The following ARHGAP6 variants were observed in gnomAD, a reference collection of about 807,000 sequenced individuals.
ARHGAP6 encodes Rho GTPase activating protein 6, also known as rho GTPase-activating protein 6.
ARHGAP6 carries 16 observed loss-of-function variants against 55.7 expected under a neutral mutation model. The ratio of observed to expected loss-of-function variants is 0.29; its 90% CI spans 0.19 to 0.44. The LOEUF (loss-of-function observed/expected upper bound fraction) is 0.44. Among genes scored for constraint, ARHGAP6 ranks in the 20% least tolerant of loss-of-function variants. ARHGAP6 has a pLI of 1.00. For synonymous variants in ARHGAP6, 382 were observed against 360.9 expected (o/e 1.06, Z -0.66); for missense variants, 698 against 808.9 (o/e 0.86, Z 1.66).
intron 1 of ARHGAP6, among the ~76,000 whole-genome samples, chrX:11,281,441 AT>A (rs2047854707): frequency 9.1e-6 from 1 of 109,484 alleles, no homozygotes; most frequent in South Asian, 3.8e-4. Flanking sequence ...TATATAATTA[AT>A]TTTATTATAT....
intron 1 of ARHGAP6, among the ~76,000 whole-genome samples, chrX:11,314,497 G>A (rs1444215223): frequency 8.9e-6 from 1 of 112,411 alleles, no homozygotes; most frequent in African/African-American, 3.2e-5. Context: ...TAGATATCCA[G>A]TGTTCACTCT....
intron 1 of ARHGAP6, among the ~76,000 whole-genome samples, chrX:11,507,665 T>C (rs1253085988): frequency 8.9e-6 from 1 of 111,850 alleles, no homozygotes; most frequent in Non-Finnish European, 1.9e-5. Context: ...GCAAGCCATC[T>C]GATTTTCCAT....
chrX:11,172,926 C>G (rs1331698530), intron 8 of ARHGAP6, among the ~76,000 whole-genome samples: 1 of 111,834 alleles, frequency 8.9e-6, no homozygotes, highest in Non-Finnish European at 1.9e-5. Context: ...CATTTCTAAG[C>G]TTCATATGAA....
intron 1 of ARHGAP6, among the ~76,000 whole-genome samples, chrX:11,428,065 G>T (rs1302514158): frequency 8.9e-6 from 1 of 112,816 alleles, no homozygotes; most frequent in Non-Finnish European, 1.9e-5. Context: ...CTGAGGCGGG[G>T]ACTGCCAAAG....
chrX:11,621,647 C>A (rs1340876065), intron 1 of ARHGAP6, among the ~76,000 whole-genome samples: 2 of 110,084 alleles, frequency 1.8e-5, no homozygotes, highest in African/African-American at 6.6e-5. Context: ...AGAATCAGGG[C>A]AGATGGTTTG....
chrX:11,574,207 C>G (rs2051567685), intron 1 of ARHGAP6, among the ~76,000 whole-genome samples: 1 of 111,458 alleles, frequency 9.0e-6, no homozygotes, highest in South Asian at 3.7e-4. Context: ...AAGAGGGAAT[C>G]CTCCCTAACT....
chrX:11,564,466 C>A (rs1056363640), intron 1 of ARHGAP6, among the ~76,000 whole-genome samples: 1 of 105,975 alleles, frequency 9.4e-6, no homozygotes, highest in Non-Finnish European at 2.0e-5. Flanking sequence ...TCCAACAGAA[C>A]TTTTTTTTTT....
chrX:11,196,838 G>A (rs1215061338), intron 3 of ARHGAP6, 87 bp downstream of exon 3: 7 of 548,199 alleles, frequency 1.3e-5, no homozygotes, highest in African/African-American at 6.9e-5. Flanking sequence ...GTTGAACCAC[G>A]TATATCTATG....
intron 1 of ARHGAP6, among the ~76,000 whole-genome samples, chrX:11,429,463 A>G (rs944118015): frequency 3.6e-5 from 4 of 112,204 alleles, no homozygotes; most frequent in African/African-American, 9.7e-5. Flanking sequence ...AGTTCAGACT[A>G]GTGTAATTTA....
chrX:11,228,921 G>A (rs895913425), intron 2 of ARHGAP6, among the ~76,000 whole-genome samples: 10 of 112,061 alleles, frequency 8.9e-5, no homozygotes, highest in African/African-American at 3.2e-4. Context: ...TTAAATGCCA[G>A]ACCTCGTTAC....
intron 1 of ARHGAP6, chrX:11,334,960 G>T: frequency 7.5e-6 from 1 of 133,353 alleles, no homozygotes; most frequent in South Asian, 2.3e-4. Flanking sequence ...TTATAGAATT[G>T]ATAATCTTGT....
At chrX:11,219,262 C>T (rs1278628925) in intron 2 of ARHGAP6, among the ~76,000 whole-genome samples, 6 of 104,058 alleles carry the variant, frequency 5.8e-5, no homozygotes, top group Admixed American at 1.0e-4. Flanking sequence ...GTATATGTAC[C>T]ACATTTTCTT....
chrX:11,251,391 C>G (rs1212265813), intron 2 of ARHGAP6, among the ~76,000 whole-genome samples: 2 of 111,861 alleles, frequency 1.8e-5, no homozygotes, highest in Non-Finnish European at 3.8e-5. Flanking sequence ...TTGTGGTCTA[C>G]TCTAGGAAAT....
intron 1 of ARHGAP6, among the ~76,000 whole-genome samples, chrX:11,418,638 T>C (rs994412645): frequency 8.9e-6 from 1 of 111,949 alleles, no homozygotes; most frequent in African/African-American, 3.2e-5. Flanking sequence ...AACTTTCCAA[T>C]ATTAGATTAA....
intron 1 of ARHGAP6, among the ~76,000 whole-genome samples, chrX:11,408,908 T>TACAC (rs373105469): frequency 4.8e-5 from 5 of 104,824 alleles, no homozygotes; most frequent in Non-Finnish European, 7.9e-5. Flanking sequence ...CACACACACA[T>TACAC]ACACACACAC....
intron 1 of ARHGAP6, among the ~76,000 whole-genome samples, chrX:11,609,566 A>C (rs1361413678): frequency 2.7e-5 from 3 of 112,230 alleles, no homozygotes; most frequent in Non-Finnish European, 5.6e-5. Context: ...TTAAGAAGGA[A>C]GAGAAGCAGG....
intron 1 of ARHGAP6, among the ~76,000 whole-genome samples, chrX:11,362,127 C>G (rs1352149824): frequency 8.9e-6 from 1 of 111,853 alleles, no homozygotes; most frequent in African/African-American, 3.3e-5. Context: ...ACTAGAAACA[C>G]CATTTGACCC....
At chrX:11,344,609 C>T (rs913430646) in intron 1 of ARHGAP6, among the ~76,000 whole-genome samples, 4 of 88,275 alleles carry the variant, frequency 4.5e-5, no homozygotes, top group Non-Finnish European at 8.4e-5. Flanking sequence ...ACCCAGGAGG[C>T]GGAGGTTGCA....
At chrX:11,217,827 A>T (rs1222391703) in intron 2 of ARHGAP6, among the ~76,000 whole-genome samples, 1 of 111,817 alleles carries the variant, frequency 8.9e-6, no homozygotes. Context: ...GTTTTCTTCT[A>T]GGGTTTTTAA....
Sources: allele counts gnomAD v4.1 joint callset (sites outside exome capture counted in the v4.1 genomes callset), GRCh38; gene constraint gnomAD v4.1.1; transcripts MANE v1.5; gene names NCBI Gene and HGNC (gene_info 2026-07-23, HGNC 2026-07-21).